The following IL13RA1 variants were observed in gnomAD, a reference collection of about 807,000 sequenced individuals.
IL13RA1 encodes interleukin 13 receptor subunit alpha 1, also known as interleukin-13 receptor subunit alpha-1.
Under a neutral mutation model 33.8 loss-of-function variants are expected in IL13RA1, and 14 were observed. The ratio of observed to expected loss-of-function variants is 0.41; its 90% CI spans 0.27 to 0.65. The LOEUF is 0.65. Ranked by LOEUF, IL13RA1 falls within the 30% of genes least tolerant of loss-of-function variation. The pLI is 0.28. For synonymous variants in IL13RA1, 116 were observed against 115.7 expected, an observed-to-expected ratio of 1.00 and a Z score of -0.02; for missense variants, 313 against 327.0, an observed-to-expected ratio of 0.96 and a Z score of 0.33.
At position 118,784,702 on chromosome X, in the gene IL13RA1, G is replaced by A. The variant is rs1475928809; in HGVS notation, c.1192-7060G>A. ...TTTCTCAGGAAGTATTCATGGGACC[G>A]GCATTTCCTGAATTATTTACAAATT... On this transcript the variant is annotated intron_variant, in intron 10 of 10. Coordinates refer to ENST00000371666, the MANE Select transcript of IL13RA1 (RefSeq NM_001560.3). Among the ~76,000 whole-genome samples the A allele has an allele frequency of 2.7e-5, 3 of 111,506 alleles. No homozygotes were observed. In the East Asian group the frequency reaches 8.4e-4, roughly 31 times the overall value.
rs187283400 is a variant in IL13RA1, at chrX:118,728,725, C to A, written c.88+999C>A. 5.4e-5 allele frequency among the ~76,000 whole-genome samples: 6 copies of A among 111,816 alleles called. No individual in the cohort carries two copies. The East Asian group carries it at 1.1e-3, about 21-fold the overall frequency. ...CCTTAATGCCCTCTATGGATTCAGT[C>A]AATAAAATACATGCTGCCAGGCAGT... On this transcript the variant is annotated intron_variant, in intron 1 of 10. Coordinates refer to ENST00000371666, the MANE Select transcript of IL13RA1 (RefSeq NM_001560.3).
chrX:118,785,006 A>G (rs2495629), intron 10 of IL13RA1, among the ~76,000 whole-genome samples: 18,623 of 110,180 alleles, frequency 0.17, 1,465 homozygotes, highest in East Asian at 0.43. Context: ...CTTTCTCAGT[A>G]TGTAATTTTA....
At chrX:118,780,382 T>C (rs772313249) in intron 10 of IL13RA1, among the ~76,000 whole-genome samples, 3 of 112,917 alleles carry the variant, frequency 2.7e-5, no homozygotes, top group East Asian at 5.5e-4. Flanking sequence ...TCTTTAGAGA[T>C]GGGGACATGA....
chrX:118,742,471 T>C (rs2017354904), intron 2 of IL13RA1, among the ~76,000 whole-genome samples: 2 of 112,406 alleles, frequency 1.8e-5, no homozygotes, highest in African/African-American at 3.2e-5. Context: ...CCCAAGTGTC[T>C]AACTGAAACC....
At chrX:118,795,173 C>G (rs1781645899), downstream of IL13RA1, among the ~76,000 whole-genome samples, 1 of 95,965 alleles carries the variant, frequency 1.0e-5, no homozygotes, top group Non-Finnish European at 2.0e-5. Context: ...CAGCATGCCA[C>G]TGCACTCCAG....
chrX:118,776,385 T>C (rs780926580), intron 9 of IL13RA1, 42 bp from the exon 10 acceptor site: 1 of 597,812 alleles, frequency 1.7e-6, no homozygotes, highest in South Asian at 2.4e-5. Flanking sequence ...GACACTCCTA[T>C]GGACTGGAAG....
chrX:118,728,144 G>A (rs2017176436), intron 1 of IL13RA1, among the ~76,000 whole-genome samples: 1 of 112,754 alleles, frequency 8.9e-6, no homozygotes, highest in Non-Finnish European at 1.9e-5. Context: ...TGAGGCGCCA[G>A]AGCCGGCGGG....
intron 1 of IL13RA1, among the ~76,000 whole-genome samples, chrX:118,734,683 A>T (rs769300101): frequency 3.6e-5 from 4 of 112,180 alleles, no homozygotes; most frequent in Non-Finnish European, 7.5e-5. Context: ...GTCATGGTCT[A>T]TAATCCTTTT....
chrX:118,763,355 T>C (rs897945535), intron 6 of IL13RA1, among the ~76,000 whole-genome samples: 3 of 112,204 alleles, frequency 2.7e-5, no homozygotes, highest in Admixed American at 1.9e-4. Flanking sequence ...ATCTTCACAA[T>C]AACCCTAAGG....
At chrX:118,756,030 C>T (rs2017527052) in intron 4 of IL13RA1, among the ~76,000 whole-genome samples, 1 of 109,628 alleles carries the variant, frequency 9.1e-6, no homozygotes, top group Non-Finnish European at 1.9e-5. Context: ...TTTAAACTGA[C>T]TTGCAGCAGA....
At position 118,792,074 on chromosome X, in the gene IL13RA1, A is replaced by T; in HGVS notation, c.*220A>T. On this transcript the variant is annotated 3_prime_UTR_variant, in exon 11 of 11. Coordinates refer to ENST00000371666, the MANE Select transcript of IL13RA1 (RefSeq NM_001560.3). Reference sequence around the variant, plus strand: ...TGTGGAGTCATTCTCATTGAATTATAAAAGCCAGCAGGCTTCAAACTAGGG... The same window carrying T: ...TGTGGAGTCATTCTCATTGAATTATTAAAGCCAGCAGGCTTCAAACTAGGG... 1 of 243,012 alleles carries T rather than the reference A, an allele frequency of 4.1e-6. No individual in the cohort carries two copies. The allele number at this position is 243,012 out of a possible 1,213,427, so 20.0% of individuals were successfully genotyped here.
At chrX:118,781,957 A>G (rs901692075) in intron 10 of IL13RA1, among the ~76,000 whole-genome samples, 2 of 112,541 alleles carry the variant, frequency 1.8e-5, no homozygotes, top group East Asian at 5.6e-4. Flanking sequence ...GCACCTTGTC[A>G]AGTCTTCAGC....
intron 4 of IL13RA1, among the ~76,000 whole-genome samples, chrX:118,750,584 A>C (rs780717815): frequency 2.7e-5 from 3 of 111,126 alleles, no homozygotes; most frequent in Non-Finnish European, 5.6e-5. Context: ...AAATATTCAC[A>C]TACAGATTTT....
chrX:118,743,304 TA>T (rs775327107), intron 2 of IL13RA1, among the ~76,000 whole-genome samples: 76 of 111,999 alleles, frequency 6.8e-4, no homozygotes, highest in Middle Eastern at 9.2e-3. Context: ...GTTTGTACAT[TA>T]GGGGGCTTAG....
At chrX:118,741,639 G>A (rs1241201464) in intron 2 of IL13RA1, among the ~76,000 whole-genome samples, 1 of 112,010 alleles carries the variant, frequency 8.9e-6, no homozygotes, top group African/African-American at 3.2e-5. Context: ...AGAGGGTTCT[G>A]TAATGCCCGC....
intron 10 of IL13RA1, among the ~76,000 whole-genome samples, chrX:118,787,358 G>T (rs778132097): frequency 9.0e-6 from 1 of 111,008 alleles, no homozygotes; most frequent in African/African-American, 3.3e-5. Context: ...TACGAATAGG[G>T]TGTGGGTCAC....
chrX:118,762,800 CTGTCTGAAATCCTGAGATGCA>C (rs1351457646), intron 6 of IL13RA1, among the ~76,000 whole-genome samples: 13 of 112,124 alleles, frequency 1.2e-4, no homozygotes, highest in African/African-American at 3.6e-4. Flanking sequence ...CTGTTCTCTC[CTGTCTGAAATCCTGAGATGCA>C]TGTCTGAAAT....
chrX:118,732,818 G>C (rs1162859495), intron 1 of IL13RA1, among the ~76,000 whole-genome samples: 1 of 111,643 alleles, frequency 9.0e-6, no homozygotes, highest in African/African-American at 3.3e-5. Context: ...TGGACATTTG[G>C]GTTGGTTCCA....
Position 118,785,572 on chromosome X carries a change from ATTTTG to A in IL13RA1, c.1192-6185_1192-6181del, listed in dbSNP as rs1569459591. Among the ~76,000 whole-genome samples, 6 of 110,075 alleles carry A rather than the reference ATTTTG, an allele frequency of 5.5e-5. No homozygotes were observed. The South Asian group carries it at 1.5e-3, about 28-fold the overall frequency. Reference sequence around the variant, plus strand: ...GAAATGATTATTTTCCTTTACTTTTATTTTGTTTTATTTTTTGAGATGGAGTCTCA... The same window carrying A: ...GAAATGATTATTTTCCTTTACTTTTATTTTATTTTTTGAGATGGAGTCTCA... On this transcript the variant is annotated intron_variant, in intron 10 of 10. Transcript: ENST00000371666.
Sources: gnomAD v4.1 joint callset for allele counts (sites outside exome capture counted in the v4.1 genomes callset) on GRCh38, gnomAD v4.1.1 for gene constraint, MANE v1.5 for transcripts, NCBI Gene and HGNC (gene_info 2026-07-23, HGNC 2026-07-21) for gene names.